The following SLIT2 variants were observed in gnomAD, a reference collection of about 807,000 sequenced individuals.
SLIT2 encodes slit guidance ligand 2.
A neutral mutation model predicts 185.7 loss-of-function variants in SLIT2; 41 were observed. The ratio of observed to expected loss-of-function variants is 0.22; its 90% CI spans 0.17 to 0.29. The LOEUF (loss-of-function observed/expected upper bound fraction) is 0.29, where lower values mean the gene tolerates loss of function less well. Among genes scored for constraint, SLIT2 ranks in the 10% least tolerant of loss-of-function variants. The pLI is 1.00. For missense variants in SLIT2, 1,571 were observed against 1,909.0 expected (o/e 0.82, Z 3.30); for synonymous variants, 693 against 680.2 (o/e 1.02, Z -0.29).
intron 4 of SLIT2, among the ~76,000 whole-genome samples, chr4:20,366,325 A>G (rs1723114937): frequency 6.6e-6 from 1 of 152,180 alleles, no homozygotes; most frequent in Non-Finnish European, 1.5e-5. Context: ...CTGACTTCTC[A>G]TTATGCCAGA....
At chr4:20,541,372 G>A (rs1401462826) in intron 19 of SLIT2, 81 bp from the exon 20 acceptor site, 6 of 1,205,838 alleles carry the variant, frequency 5.0e-6, no homozygotes, top group Non-Finnish European at 6.0e-6. Context: ...GAAATAGCGT[G>A]GAGAAGGGTA....
intron 4 of SLIT2, among the ~76,000 whole-genome samples, chr4:20,451,314 G>T (rs1712446721): frequency 6.6e-6 from 1 of 152,192 alleles, no homozygotes; most frequent in South Asian, 2.1e-4. Flanking sequence ...TTAATGTTAT[G>T]ACTTCTTTGG....
intron 16 of SLIT2, 107 bp downstream of exon 16, chr4:20,529,206 T>C: frequency 1.3e-6 from 1 of 761,182 alleles, no homozygotes; most frequent in Non-Finnish European, 2.0e-6. Context: ...TGCATTAATT[T>C]TAATTAATAT....
intron 33 of SLIT2, among the ~76,000 whole-genome samples, chr4:20,601,048 T>C (rs905967001): frequency 6.6e-6 from 1 of 152,086 alleles, no homozygotes; most frequent in African/African-American, 2.4e-5. Flanking sequence ...GAGATAAATA[T>C]AAGCACTTAC....
At chr4:20,542,958 G>T (rs1413784660) in intron 21 of SLIT2, among the ~76,000 whole-genome samples, 2 of 151,338 alleles carry the variant, frequency 1.3e-5, no homozygotes, top group African/African-American at 4.9e-5. Flanking sequence ...ACATTTATTT[G>T]TTCCTATACC....
intron 4 of SLIT2, among the ~76,000 whole-genome samples, chr4:20,418,018 G>A (rs535731924): frequency 6.6e-6 from 1 of 152,132 alleles, no homozygotes; most frequent in Non-Finnish European, 1.5e-5. Flanking sequence ...TTAAGGGGTT[G>A]TCCTGTCTCT....
intron 4 of SLIT2, among the ~76,000 whole-genome samples, chr4:20,400,081 T>C (rs1726222583): frequency 6.6e-6 from 1 of 151,768 alleles, no homozygotes. Flanking sequence ...GTTTTGTTAT[T>C]GTTCTCCTAC....
At chr4:20,306,683 A>C (rs953612823) in intron 4 of SLIT2, among the ~76,000 whole-genome samples, 5 of 152,080 alleles carry the variant, frequency 3.3e-5, no homozygotes, top group African/African-American at 9.7e-5. Context: ...GTTTTTATTC[A>C]TGGAGAAATC....
At chr4:20,466,644 G>A (rs756190695) in intron 4 of SLIT2, among the ~76,000 whole-genome samples, 18 of 152,112 alleles carry the variant, frequency 1.2e-4, no homozygotes, top group South Asian at 2.1e-4. Flanking sequence ...GGCCACAAAT[G>A]TATGAACAAG....
rs771334769 is a variant in SLIT2, at chr4:20,618,954, T to C, written c.4535T>C (p.Phe1512Ser). Residue 1512 changes from phenylalanine to serine, a missense_variant, in exon 37 of 37, where the codon TTT becomes TCT. Phe to Ser is a radical substitution (Grantham distance 155). This residue lies in a region of SLIT2 where 223 missense variants were observed against 245.2 expected (regional missense o/e 0.91). Transcript: ENST00000504154. ...TTCGAATGCACTGACGGCTCCTCCT[T>C]TGTGGACGAGGTTGAGAAAGTGGTG... ...YSFECTDGSS[F>S]VDEVEKVVKC... 1.2e-6 allele frequency: 2 copies of C among 1,614,052 alleles called. No homozygotes were observed. Among genetic ancestry groups the C allele is most frequent in the East Asian group, 2.2e-5 (1 of 44,850 alleles).
At chr4:20,547,806 A>T (rs1246459895) in intron 22 of SLIT2, among the ~76,000 whole-genome samples, 1 of 151,866 alleles carries the variant, frequency 6.6e-6, no homozygotes, top group Non-Finnish European at 1.5e-5. Flanking sequence ...ATTACGACCC[A>T]TAGTACAAAC....
In SLIT2 at chr4:20,279,068, G is replaced by C. The variant is rs139744355; in HGVS notation, c.395+10187G>C. Among the ~76,000 whole-genome samples, 1,141 of 152,030 alleles carry C rather than the reference G, an allele frequency of 7.5e-3. 12 individuals are homozygous for C. Among genetic ancestry groups the C allele is most frequent in the African/African-American group, 0.026 (1,063 of 41,472 alleles). ...AAGAAATATTTCAGTATTTATTTTA[G>C]ATAAACTCTCCAGGCTTGCCTCTTA... On this transcript the variant is annotated intron_variant, in intron 4 of 36. Coordinates refer to ENST00000504154, the MANE Select transcript of SLIT2 (RefSeq NM_004787.4).
intron 29 of SLIT2, among the ~76,000 whole-genome samples, chr4:20,584,104 G>A (rs970738019): frequency 3.9e-5 from 6 of 152,034 alleles, no homozygotes; most frequent in Admixed American, 2.6e-4. Flanking sequence ...ATCTTCAGAA[G>A]CATTTTCCTT....
At chr4:20,331,804 C>T (rs1352667106) in intron 4 of SLIT2, among the ~76,000 whole-genome samples, 1 of 152,108 alleles carries the variant, frequency 6.6e-6, no homozygotes, top group African/African-American at 2.4e-5. Flanking sequence ...CTTCTGACTC[C>T]TCCTGGCAAC....
intron 4 of SLIT2, among the ~76,000 whole-genome samples, chr4:20,318,626 G>C (rs1276108089): frequency 6.8e-6 from 1 of 147,636 alleles, no homozygotes; most frequent in Non-Finnish European, 1.5e-5. Context: ...AAATAAAGCT[G>C]TACATGAGTC....
At position 20,364,382 on chromosome 4, in the gene SLIT2, A is replaced by G. The variant is rs577686869; in HGVS notation, c.395+95501A>G. 4.2e-5 allele frequency: 23 copies of G among 548,572 alleles called. 1 individual carries two copies. The South Asian group carries it at 8.8e-4, about 21-fold the overall frequency. The allele number at this position is 548,572 out of a possible 1,614,324, so 34.0% of individuals were successfully genotyped here. ...CCCATTAGCTCTCTACTGCAAAGAG[A>G]AAAAGAAAGCTGACCTGCCCATTTT... is the stretch of plus-strand genomic sequence containing the variant. On this transcript the variant is annotated intron_variant, in intron 4 of 36. Transcript: ENST00000504154.
chr4:20,415,352 A>T (rs1727570654), intron 4 of SLIT2, among the ~76,000 whole-genome samples: 1 of 140,394 alleles, frequency 7.1e-6, no homozygotes, highest in African/African-American at 2.7e-5. Flanking sequence ...CGGAGCTTGC[A>T]GTAAGCCCAG....
intron 30 of SLIT2, among the ~76,000 whole-genome samples, chr4:20,594,454 C>T (rs774973773): frequency 1.3e-5 from 2 of 151,910 alleles, no homozygotes; most frequent in Non-Finnish European, 2.9e-5. Flanking sequence ...ATCAAAAACA[C>T]TCTTGGAAGC....
intron 17 of SLIT2, among the ~76,000 whole-genome samples, chr4:20,532,335 A>G (rs1041174416): frequency 5.3e-5 from 8 of 152,162 alleles, no homozygotes; most frequent in African/African-American, 1.9e-4. Context: ...ATCTAAGCAC[A>G]TTAAAATGGG....
Sources: gnomAD v4.1 joint callset for allele counts (sites outside exome capture counted in the v4.1 genomes callset) on GRCh38, gnomAD v4.1.1 for gene constraint, gnomAD v4.1.1 regional missense constraint, MANE v1.5 for transcripts, NCBI Gene and HGNC (gene_info 2026-07-23, HGNC 2026-07-21) for gene names.